The following KCNIP4 variants were observed in gnomAD, a reference collection of about 807,000 sequenced individuals.
KCNIP4 encodes the protein potassium voltage-gated channel interacting protein 4, also known as Kv channel-interacting protein 4.
Under a neutral mutation model 34.0 loss-of-function variants are expected in KCNIP4, and 12 were observed. The observed-to-expected ratio is 0.35, with a 90% confidence interval of 0.23 to 0.57. KCNIP4 has a LOEUF of 0.57. Ranked by LOEUF, KCNIP4 falls within the 20% of genes least tolerant of loss-of-function variation. The pLI, the probability that KCNIP4 is intolerant of heterozygous loss-of-function variation, is 0.83. For synonymous variants in KCNIP4, 124 were observed against 102.2 expected, an observed-to-expected ratio of 1.21 and a Z score of -1.29; for missense variants, 238 against 311.7, an observed-to-expected ratio of 0.76 and a Z score of 1.78.
intron 1 of KCNIP4, among the ~76,000 whole-genome samples, chr4:21,380,036 A>G (rs1721338400): frequency 6.6e-6 from 1 of 152,150 alleles, no homozygotes; most frequent in Non-Finnish European, 1.5e-5. Context: ...CCCTTTTCAT[A>G]TCACCATAGT....
chr4:21,690,450 C>T (rs1040966874), intron 1 of KCNIP4, among the ~76,000 whole-genome samples: 5 of 151,888 alleles, frequency 3.3e-5, no homozygotes, highest in African/African-American at 1.2e-4. Flanking sequence ...GGCTTGGTGC[C>T]CTCCCCAGTG....
intron 1 of KCNIP4, among the ~76,000 whole-genome samples, chr4:21,108,240 A>G (rs1278603886): frequency 1.4e-5 from 2 of 148,084 alleles, no homozygotes; most frequent in African/African-American, 2.6e-5. Flanking sequence ...AGGTACACCA[A>G]TCAGACGTAG....
intron 3 of KCNIP4, among the ~76,000 whole-genome samples, chr4:20,813,222 C>G (rs777423188): frequency 2.6e-5 from 4 of 152,084 alleles, no homozygotes; most frequent in Non-Finnish European, 5.9e-5. Context: ...GCAGCATAAA[C>G]AGACCTCAAA....
At chr4:21,104,115 G>A (rs1460246260) in intron 1 of KCNIP4, among the ~76,000 whole-genome samples, 2 of 152,010 alleles carry the variant, frequency 1.3e-5, no homozygotes, top group Non-Finnish European at 2.9e-5. Context: ...TGGGATGGCT[G>A]GGTCAAATGG....
chr4:21,724,763 G>A (rs1323937855), intron 1 of KCNIP4, among the ~76,000 whole-genome samples: 1 of 151,984 alleles, frequency 6.6e-6, no homozygotes, highest in Non-Finnish European at 1.5e-5. Flanking sequence ...AAGAGATGAT[G>A]GAGACTGAAA....
At chr4:21,222,912 T>G (rs755844343) in intron 1 of KCNIP4, among the ~76,000 whole-genome samples, 1 of 152,170 alleles carries the variant, frequency 6.6e-6, no homozygotes, top group Non-Finnish European at 1.5e-5. Flanking sequence ...GACTAAAGTT[T>G]TCAGGCATTG....
intron 1 of KCNIP4, among the ~76,000 whole-genome samples, chr4:21,109,472 G>A (rs1421628892): frequency 1.3e-5 from 2 of 152,212 alleles, no homozygotes; most frequent in Non-Finnish European, 2.9e-5. Flanking sequence ...GTATTAGGGT[G>A]GGAGTGACCC....
In KCNIP4 at chr4:20,905,509, C is replaced by CTTTTTTTT. The variant is rs10686415; in HGVS notation, c.62-22808_62-22801dup. 1.2e-3 allele frequency among the ~76,000 whole-genome samples: 90 copies of CTTTTTTTT among 72,784 alleles called. 8 individuals carry two copies. Among genetic ancestry groups the CTTTTTTTT allele is most frequent in the South Asian group, 2.2e-3 (5 of 2,298 alleles). 47.7% of individuals were successfully genotyped at this position (72,784 alleles called of 152,430 possible). A position where few individuals can be genotyped will look rare whatever the true frequency, so the allele number is the denominator to read the frequency against. On this transcript the variant is annotated intron_variant, in intron 1 of 8. Coordinates refer to ENST00000382152, the MANE Select transcript of KCNIP4 (RefSeq NM_025221.6). ...ACACAGGTAGTTGAACGTTTTCTTT[C>CTTTTTTTT]TTTTTTTTTTTTTTTTGTTTGAGAT... is the stretch of plus-strand genomic sequence containing the variant.
At chr4:21,707,162 A>G (rs115761131) in intron 1 of KCNIP4, among the ~76,000 whole-genome samples, 2,582 of 152,280 alleles carry the variant, frequency 0.017, 69 homozygotes, top group African/African-American at 0.051. Flanking sequence ...ATTTTAGGTA[A>G]TGTCTAAATG....
At chr4:21,385,989 G>A (rs556862076) in intron 1 of KCNIP4, among the ~76,000 whole-genome samples, 3 of 152,152 alleles carry the variant, frequency 2.0e-5, no homozygotes, top group South Asian at 2.1e-4. Context: ...ATGATCTAAC[G>A]GTCATCAATC....
chr4:21,422,841 T>TG lies in KCNIP4; in HGVS notation c.61+525729dup, dbSNP rs543095731. On this transcript the variant is annotated intron_variant, in intron 1 of 8. Coordinates refer to ENST00000382152, the MANE Select transcript of KCNIP4 (RefSeq NM_025221.6). ...AAGCCTTACTTAGAGAACTATGGCA[T>TG]GGAGAAAGCAGGTAAGGGCTCCAGA... Among the ~76,000 whole-genome samples, 243 of 152,170 alleles carry TG rather than the reference T, an allele frequency of 1.6e-3. 1 individual carries two copies. Among genetic ancestry groups the TG allele is most frequent in the African/African-American group, 5.7e-3 (237 of 41,520 alleles).
At chr4:21,650,520 C>G (rs1054908367) in intron 1 of KCNIP4, among the ~76,000 whole-genome samples, 1 of 152,130 alleles carries the variant, frequency 6.6e-6, no homozygotes, top group Non-Finnish European at 1.5e-5. Flanking sequence ...CTAGTACTCT[C>G]TAAATAACCT....
chr4:21,901,472 C>T (rs1028268330), intron 1 of KCNIP4, among the ~76,000 whole-genome samples: 1 of 152,128 alleles, frequency 6.6e-6, no homozygotes. Flanking sequence ...TAAACAATAT[C>T]TATTGTGTGC....
chr4:21,046,671 A>C (rs1482935138), intron 1 of KCNIP4, among the ~76,000 whole-genome samples: 4 of 151,958 alleles, frequency 2.6e-5, no homozygotes, highest in Non-Finnish European at 5.9e-5. Flanking sequence ...GGCTCACTAC[A>C]ATCTCTGCCT....
At chr4:21,734,380 A>G (rs902143207) in intron 1 of KCNIP4, among the ~76,000 whole-genome samples, 10 of 151,282 alleles carry the variant, frequency 6.6e-5, no homozygotes, top group African/African-American at 9.9e-5. Context: ...ATTTTCAGCT[A>G]CTAATATCAA....
intron 1 of KCNIP4, among the ~76,000 whole-genome samples, chr4:21,501,223 TTCTCTC>T (rs764384677): frequency 3.3e-4 from 47 of 142,514 alleles, no homozygotes; most frequent in South Asian, 2.3e-3. Context: ...TCAACTGCCT[TTCTCTC>T]TCTCTCTCTC....
chr4:21,946,391 A>G (rs750695000), intron 1 of KCNIP4, among the ~76,000 whole-genome samples: 2 of 152,174 alleles, frequency 1.3e-5, no homozygotes, highest in Non-Finnish European at 2.9e-5. Flanking sequence ...AGTACAAGAT[A>G]GTTTGGGAGT....
intron 1 of KCNIP4, among the ~76,000 whole-genome samples, chr4:21,213,542 T>C (rs1015676808): frequency 1.3e-5 from 2 of 152,078 alleles, no homozygotes; most frequent in Non-Finnish European, 2.9e-5. Context: ...CCTCAGGTGA[T>C]CCACCTGCCT....
chr4:21,235,716 G>T lies in KCNIP4; in HGVS notation c.62-353007C>A, dbSNP rs561793460. Among the ~76,000 whole-genome samples the T allele has an allele frequency of 3.3e-5, 5 of 152,288 alleles. No homozygotes were observed. The South Asian group carries it at 1.0e-3, about 32-fold the overall frequency. On this transcript the variant is annotated intron_variant, in intron 1 of 8. Coordinates refer to ENST00000382152, the MANE Select transcript of KCNIP4 (RefSeq NM_025221.6). ...TAGGATGTAACTTCTATGAGGCAAG[G>T]ATTTCTTTGGCTTAACAATATCACA...
Sources: gnomAD v4.1 joint callset for allele counts (sites outside exome capture counted in the v4.1 genomes callset) on GRCh38, gnomAD v4.1.1 for gene constraint, MANE v1.5 for transcripts, NCBI Gene and HGNC (gene_info 2026-07-23, HGNC 2026-07-21) for gene names.